The following ZNF705G variants were observed in gnomAD, a reference collection of about 807,000 sequenced individuals.
ZNF705G encodes putative zinc finger protein 705G.
A neutral mutation model predicts 19.6 loss-of-function variants in ZNF705G; 23 were observed. That is an observed-to-expected ratio of 1.17 (90% confidence interval 0.84 to 1.66). The LOEUF is 1.66. Among genes scored for constraint, ZNF705G ranks in the 40% most tolerant of loss-of-function variants. The probability of loss-of-function intolerance (pLI) is 0.00; values close to 1 mark genes in which losing one functional copy is unlikely to be tolerated. For missense variants in ZNF705G, 457 were observed against 354.4 expected, an observed-to-expected ratio of 1.29 and a Z score of -2.32; for synonymous variants, 146 against 117.7, an observed-to-expected ratio of 1.24 and a Z score of -1.56.
At chr8:7,369,948 A>G (rs533619529) in intron 2 of ZNF705G, among the ~76,000 whole-genome samples, 1 of 149,390 alleles carries the variant, frequency 6.7e-6, no homozygotes, top group East Asian at 1.9e-4. Context: ...TATGTTTTCT[A>G]TCTGGGTTAC....
chr8:7,360,346 G>A lies in ZNF705G; in HGVS notation c.140-14C>T, dbSNP rs758533066. 1.9e-6 allele frequency: 3 copies of A among 1,587,972 alleles called. No individual in the cohort carries two copies. Among genetic ancestry groups the A allele is most frequent in the Admixed American group, 3.3e-5 (2 of 59,860 alleles). Reference sequence around the variant, plus strand: ...TTATCTGGTACCCTGTTAGTGGAAAGAATACATGTGTTTTGAGTTCACTGT... The same window carrying A: ...TTATCTGGTACCCTGTTAGTGGAAAAAATACATGTGTTTTGAGTTCACTGT... On this transcript the variant is annotated splice_polypyrimidine_tract_variant and intron_variant, in intron 4 of 6. Transcript: ENST00000400156.
chr8:7,360,868 C>A (rs1237171525), intron 4 of ZNF705G, among the ~76,000 whole-genome samples: 3 of 149,116 alleles, frequency 2.0e-5, no homozygotes, highest in African/African-American at 7.8e-5. Flanking sequence ...GACTGAGTAC[C>A]AAAGAAACCA....
chr8:7,384,925 C>T (rs1183913012), intron 1 of ZNF705G, among the ~76,000 whole-genome samples: 19 of 146,200 alleles, frequency 1.3e-4, no homozygotes, highest in Admixed American at 1.1e-3. Flanking sequence ...CTGAGCAAGT[C>T]AATGCAGGTT....
chr8:7,371,195 T>C (rs1306895141), intron 2 of ZNF705G, among the ~76,000 whole-genome samples: 10 of 127,014 alleles, frequency 7.9e-5, no homozygotes, highest in Admixed American at 6.6e-4. Flanking sequence ...CATTAGGTTA[T>C]ATGAAATAGG....
chr8:7,382,504 A>C (rs965123467), intron 1 of ZNF705G, among the ~76,000 whole-genome samples: 1 of 146,502 alleles, frequency 6.8e-6, no homozygotes. Flanking sequence ...TGCATCTATC[A>C]ACTTTCCTTT....
rs1024412365 is a variant in ZNF705G, at chr8:7,367,131, G to A, written c.-71-4114C>T. ...TGAACACAGAATATGAGAATGTGAA[G>A]TAACAATTCACACAATAAAATGTAA... On this transcript the variant is annotated intron_variant, in intron 2 of 6. Transcript: ENST00000400156. 1.7e-4 allele frequency among the ~76,000 whole-genome samples: 25 copies of A among 149,618 alleles called. 4 individuals are homozygous for A. Among genetic ancestry groups the A allele is most frequent in the African/African-American group, 6.4e-4 (25 of 39,004 alleles).
chr8:7,364,563 G>C (rs10107229), intron 2 of ZNF705G, among the ~76,000 whole-genome samples: 55,727 of 146,792 alleles, frequency 0.38, 5,827 homozygotes, highest in African/African-American at 0.52. Flanking sequence ...TATATTCTGC[G>C]TGTCGCTGCC....
Position 7,383,581 on chromosome 8 carries a change from T to A in ZNF705G, c.-222+1917A>T, listed in dbSNP as rs1006481340. On this transcript the variant is annotated intron_variant, in intron 1 of 6. Coordinates refer to ENST00000400156, the MANE Select transcript of ZNF705G (RefSeq NM_001164457.3). ...AAGGAAGTGCTGTGGCCTGAATGTT[T>A]GAATATTTGTGTCTCCCCATTCATC... 2.0e-5 allele frequency among the ~76,000 whole-genome samples: 3 copies of A among 146,662 alleles called. 1 individual carries two copies. The highest frequency in any genetic ancestry group is 8.3e-5 in the African/African-American group (3 of 36,162).
Position 7,369,071 on chromosome 8 carries a change from G to A in ZNF705G, c.-71-6054C>T, listed in dbSNP as rs544820208. ...AGGCAAGTGAGAGAATGACAGCCAA[G>A]CAAAACTGGTTTCCCCTTATCAAAC... On this transcript the variant is annotated intron_variant, in intron 2 of 6. Coordinates refer to ENST00000400156, the MANE Select transcript of ZNF705G (RefSeq NM_001164457.3). Among the ~76,000 whole-genome samples, 66 of 149,612 alleles carry A rather than the reference G, an allele frequency of 4.4e-4. 1 individual carries two copies. The South Asian group carries it at 0.013, about 30-fold the overall frequency.
chr8:7,371,184 G>T (rs1307192642), intron 2 of ZNF705G, among the ~76,000 whole-genome samples: 1 of 132,174 alleles, frequency 7.6e-6, no homozygotes, highest in Non-Finnish European at 1.6e-5. Flanking sequence ...GACTTGGAGG[G>T]CATTAGGTTA....
In ZNF705G at chr8:7,364,694, G is replaced by T. The variant is rs1414561780; in HGVS notation, c.-71-1677C>A. Among the ~76,000 whole-genome samples, 15 of 149,496 alleles carry T rather than the reference G, an allele frequency of 1.0e-4. 3 individuals carry two copies. The highest frequency in any genetic ancestry group is 3.6e-4 in the African/African-American group (14 of 38,918). The stretch of plus-strand genomic sequence containing the variant: ...GTCTATTTTTACTGCCACATTTAAT[G>T]CACATTTACAGACTTCAACAAGCAC... On this transcript the variant is annotated intron_variant, in intron 2 of 6. Transcript: ENST00000400156.
chr8:7,385,190 T>C (rs1389332583), intron 1 of ZNF705G, among the ~76,000 whole-genome samples: 1 of 148,214 alleles, frequency 6.7e-6, no homozygotes. Flanking sequence ...TGGGTCATGG[T>C]GGGCCAAGTG....
At chr8:7,382,909 C>G (rs1234245531) in intron 1 of ZNF705G, among the ~76,000 whole-genome samples, 1 of 147,154 alleles carries the variant, frequency 6.8e-6, no homozygotes, top group Non-Finnish European at 1.5e-5. Flanking sequence ...GTACATTGTA[C>G]CTAATAGGTA....
rs117461695 is a variant in ZNF705G at position 7,370,292 on chromosome 8, G to C, written c.-71-7275C>G. The stretch of plus-strand genomic sequence containing the variant: ...TCTCAAAAAAAAAAAAATATGCAAA[G>C]ATCTGAGTAGACATTTCCCAGAAGA... On this transcript the variant is annotated intron_variant, in intron 2 of 6. Coordinates refer to ENST00000400156, the MANE Select transcript of ZNF705G (RefSeq NM_001164457.3). Among the ~76,000 whole-genome samples the C allele has an allele frequency of 2.9e-3, 414 of 144,278 alleles. 2 individuals are homozygous for C. The highest frequency in any genetic ancestry group is 3.9e-3 in the Non-Finnish European group (264 of 67,076). 94.7% of individuals were successfully genotyped at this position (144,278 alleles called of 152,430 possible). A position where few individuals can be genotyped will look rare whatever the true frequency, so the allele number is the denominator to read the frequency against.
intron 2 of ZNF705G, among the ~76,000 whole-genome samples, chr8:7,366,318 G>T (rs1806854823): frequency 6.7e-6 from 1 of 149,390 alleles, no homozygotes; most frequent in Admixed American, 6.6e-5. Context: ...TTATTCTAAG[G>T]TTTTATGTGT....
In ZNF705G at chr8:7,356,610, G is replaced by A. The variant is rs2128833165; in HGVS notation, c.*1366C>T. On this transcript the variant is annotated 3_prime_UTR_variant, in exon 7 of 7. Coordinates refer to ENST00000400156, the MANE Select transcript of ZNF705G (RefSeq NM_001164457.3). ...GGTGTGTCAACTCGAGGGTTGGATG[G>A]AAACAAGTGGTTTTAGTGGACGTTG... 6.7e-6 allele frequency: 1 copy of A among 149,700 alleles called. No individual in the cohort carries two copies. 9.3% of individuals were successfully genotyped at this position (149,700 alleles called of 1,614,324 possible).
chr8:7,363,819 T>C (rs1806718461), intron 2 of ZNF705G, among the ~76,000 whole-genome samples: 1 of 148,670 alleles, frequency 6.7e-6, no homozygotes, highest in Non-Finnish European at 1.5e-5. Context: ...AGACTCTGTC[T>C]CAAAAAAAAA....
chr8:7,375,074 G>T lies in ZNF705G; in HGVS notation c.-72+6378C>A, dbSNP rs2128844723. On this transcript the variant is annotated intron_variant, in intron 2 of 6. Coordinates refer to ENST00000400156, the MANE Select transcript of ZNF705G (RefSeq NM_001164457.3). ...TTTAGATTCAGGGAGTGCATGTGCA[G>T]ATTTGTTACATGGGTATATTGTGTG... Among the ~76,000 whole-genome samples the T allele has an allele frequency of 2.1e-5, 2 of 94,510 alleles. 1 individual carries two copies. The highest frequency in any genetic ancestry group is 2.4e-4 in the Admixed American group (2 of 8,446). 62.0% of individuals were successfully genotyped at this position (94,510 alleles called of 152,430 possible).
rs190665027 is a variant in ZNF705G, at chr8:7,363,891, C to A, written c.-71-874G>T. On this transcript the variant is annotated intron_variant, in intron 2 of 6. Transcript: ENST00000400156. Reference sequence around the variant, plus strand: ...TTATTTCACTTAGAGGGTCAACACTCCCATCCTGCTAATATAGCCCTTAAA... The same window carrying A: ...TTATTTCACTTAGAGGGTCAACACTACCATCCTGCTAATATAGCCCTTAAA... Among the ~76,000 whole-genome samples, 129 of 149,504 alleles carry A rather than the reference C, an allele frequency of 8.6e-4. 3 individuals carry two copies. Among genetic ancestry groups the A allele is most frequent in the Admixed American group, 3.9e-3 (60 of 15,220 alleles).
Sources: gnomAD v4.1 joint callset for allele counts (sites outside exome capture counted in the v4.1 genomes callset) on GRCh38, gnomAD v4.1.1 for gene constraint, MANE v1.5 for transcripts, NCBI Gene and HGNC (gene_info 2026-07-23, HGNC 2026-07-21) for gene names.